The following NUCKS1 variants were observed in gnomAD, a reference collection of about 807,000 sequenced individuals.
NUCKS1 encodes nuclear casein kinase and cyclin dependent kinase substrate 1.
Under a neutral mutation model 33.0 loss-of-function variants are expected in NUCKS1, and 2 were observed. That is an observed-to-expected ratio of 0.06 (90% CI 0.02 to 0.19). NUCKS1 has a LOEUF of 0.19. NUCKS1 is among the 10% of genes least tolerant of loss of function. NUCKS1 has a pLI of 1.00. For synonymous variants in NUCKS1, 106 were observed against 102.8 expected (o/e 1.03, Z -0.19); for missense variants, 201 against 293.6 (o/e 0.68, Z 2.31).
chr1:205,722,477 G>A (rs1169189522), intron 4 of NUCKS1, among the ~76,000 whole-genome samples: 3 of 152,060 alleles, frequency 2.0e-5, no homozygotes, highest in Admixed American at 6.6e-5. Context: ...GGCTGGTCTC[G>A]AACTCCTGAC....
chr1:205,733,815 A>G (rs1558053391), intron 1 of NUCKS1, among the ~76,000 whole-genome samples: 1 of 152,050 alleles, frequency 6.6e-6, no homozygotes, highest in East Asian at 1.9e-4. Flanking sequence ...CCTTCCCTGT[A>G]TATCTATCTG....
intron 1 of NUCKS1, among the ~76,000 whole-genome samples, chr1:205,743,071 G>A (rs1654220165): frequency 8.6e-6 from 1 of 116,668 alleles, no homozygotes; most frequent in African/African-American, 2.6e-5. Flanking sequence ...ATTTGGCCAT[G>A]CAGACTGTAA....
At chr1:205,744,447 A>C (rs1391204448) in intron 1 of NUCKS1, among the ~76,000 whole-genome samples, 4 of 152,152 alleles carry the variant, frequency 2.6e-5, no homozygotes, top group African/African-American at 7.2e-5. Flanking sequence ...TAATTCTACT[A>C]AGTGAGGAAG....
intron 1 of NUCKS1, among the ~76,000 whole-genome samples, chr1:205,744,784 C>T (rs1195924285): frequency 6.6e-6 from 1 of 152,030 alleles, no homozygotes; most frequent in Non-Finnish European, 1.5e-5. Context: ...AGGCATGCGC[C>T]ACCACGCCTG....
At chr1:205,749,629 G>T (rs971396100) in intron 1 of NUCKS1, among the ~76,000 whole-genome samples, 27 of 152,082 alleles carry the variant, frequency 1.8e-4, no homozygotes, top group Admixed American at 3.9e-4. Context: ...GGGCCTCTTG[G>T]GGGCGCTGAC....
intron 1 of NUCKS1, among the ~76,000 whole-genome samples, chr1:205,738,344 A>G (rs1164014515): frequency 1.3e-5 from 2 of 151,908 alleles, no homozygotes; most frequent in Non-Finnish European, 2.9e-5. Context: ...TTTTTAAAAG[A>G]CAGGTTTTTA....
chr1:205,714,193 C>T lies in NUCKS1; in HGVS notation c.*4087G>A, dbSNP rs966832998. 1.3e-5 allele frequency: 2 copies of T among 152,174 alleles called. No individual in the cohort carries two copies. Among genetic ancestry groups the T allele is most frequent in the African/African-American group, 4.8e-5 (2 of 41,534 alleles). The allele number at this position is 152,174 out of a possible 1,614,324, so 9.4% of individuals were successfully genotyped here. ...CTCACACGTACACACCCACACAATA[C>T]TTCAGGGGTTTTTATACATGTTATT... On this transcript the variant is annotated 3_prime_UTR_variant, in exon 7 of 7. Coordinates refer to ENST00000367142, the MANE Select transcript of NUCKS1 (RefSeq NM_022731.5).
Position 205,719,669 on chromosome 1 carries a change from G to C in NUCKS1, c.390C>G (p.Ser130=), listed in dbSNP as rs188916335. The C allele has an allele frequency of 6.2e-7, 1 of 1,606,664 alleles. No individual in the cohort carries two copies. The highest frequency in any genetic ancestry group is 1.1e-5 in the South Asian group (1 of 88,738). The change falls in exon 6 of 7, where the codon TCC becomes TCG. Residue 130 remains serine, a synonymous_variant. Coordinates refer to ENST00000367142, the MANE Select transcript of NUCKS1 (RefSeq NM_022731.5). The part of the protein sequence containing the change: ...EDEAPFQEKD[S]GSDEDFLMED... ...CCATTAGGAAATCTTCATCGCTGCC[G>C]GAATCTTCTGAGAAGAAAGAAGAAT...
intron 3 of NUCKS1, among the ~76,000 whole-genome samples, chr1:205,726,227 C>T (rs2102434470): frequency 6.6e-6 from 1 of 152,126 alleles, no homozygotes; most frequent in Middle Eastern, 3.4e-3. Context: ...AAACAAAAAA[C>T]TGTTTTAGGC....
intron 4 of NUCKS1, 34 bp downstream of exon 4, chr1:205,723,892 A>AATTATATTTGTATATT: frequency 7.1e-7 from 1 of 1,409,438 alleles, no homozygotes; most frequent in Non-Finnish European, 1.0e-6. Flanking sequence ...ATACAAATAT[A>AATTATATTTGTATATT]ATTATACCTC....
At chr1:205,722,139 A>C (rs1323020584) in intron 4 of NUCKS1, among the ~76,000 whole-genome samples, 1 of 151,352 alleles carries the variant, frequency 6.6e-6, no homozygotes, top group African/African-American at 2.4e-5. Context: ...GCAGTGGTGC[A>C]ATCTTGGCTC....
intron 2 of NUCKS1, 110 bp from the exon 3 acceptor site, chr1:205,727,915 G>A (rs1653816680): frequency 1.4e-6 from 1 of 735,418 alleles, no homozygotes; most frequent in Non-Finnish European, 2.2e-6. Flanking sequence ...GAGAGGAGCA[G>A]GATTTCCCAA....
intron 1 of NUCKS1, among the ~76,000 whole-genome samples, chr1:205,746,929 G>A (rs776397823): frequency 2.0e-4 from 31 of 152,162 alleles, no homozygotes; most frequent in South Asian, 4.1e-4. Flanking sequence ...CAATAAGGGA[G>A]GAGGATCTCT....
At chr1:205,737,189 C>T (rs927519565) in intron 1 of NUCKS1, among the ~76,000 whole-genome samples, 1 of 152,180 alleles carries the variant, frequency 6.6e-6, no homozygotes, top group Non-Finnish European at 1.5e-5. Flanking sequence ...TTATGACCCT[C>T]CTCTTCCTAT....
intron 1 of NUCKS1, among the ~76,000 whole-genome samples, chr1:205,734,808 T>C (rs1458526821): frequency 6.6e-6 from 1 of 152,078 alleles, no homozygotes; most frequent in African/African-American, 2.4e-5. Context: ...GGCACAAGAA[T>C]CGCTTGAACC....
At chr1:205,722,051 T>A (rs1455218344) in intron 4 of NUCKS1, among the ~76,000 whole-genome samples, 1 of 151,834 alleles carries the variant, frequency 6.6e-6, no homozygotes, top group Non-Finnish European at 1.5e-5. Flanking sequence ...TACTTTCACA[T>A]ATTCTTAGAG....
At chr1:205,719,742 A>T in intron 5 of NUCKS1, 66 bp from the exon 6 acceptor site, 2 of 1,538,286 alleles carry the variant, frequency 1.3e-6, no homozygotes, top group Non-Finnish European at 1.8e-6. Flanking sequence ...AAAAAGGAAG[A>T]GAGTGCTAAG....
chr1:205,718,211 T>C lies in NUCKS1; in HGVS notation c.*69A>G. 6.6e-7 allele frequency: 1 copy of C among 1,511,582 alleles called. No individual in the cohort carries two copies. Among genetic ancestry groups the C allele is most frequent in the Non-Finnish European group, 8.8e-7 (1 of 1,139,988 alleles). The allele number at this position is 1,511,582 out of a possible 1,614,324, so 93.6% of individuals were successfully genotyped here. A position where few individuals can be genotyped will look rare whatever the true frequency, so the allele number is the denominator to read the frequency against. On this transcript the variant is annotated 3_prime_UTR_variant, in exon 7 of 7. Transcript: ENST00000367142. The stretch of plus-strand genomic sequence containing the variant: ...TTCTATCTTAAGTAGGTTCTTTTTT[T>C]TCCTCCCTCTTTTTTCTTTTTTTTT...
At chr1:205,738,621 G>A (rs978686010) in intron 1 of NUCKS1, among the ~76,000 whole-genome samples, 4 of 152,130 alleles carry the variant, frequency 2.6e-5, no homozygotes, top group Non-Finnish European at 5.9e-5. Context: ...TTTGAGCCAG[G>A]TGTGGTGGCC....
Sources: allele counts gnomAD v4.1 joint callset (sites outside exome capture counted in the v4.1 genomes callset), GRCh38; gene constraint gnomAD v4.1.1; transcripts MANE v1.5; gene names NCBI Gene and HGNC (gene_info 2026-07-23, HGNC 2026-07-21).